Variants in ADAMTS17 observed in about 807,000 individuals in gnomAD.
ADAMTS17 encodes A disintegrin and metalloproteinase with thrombospondin motifs 17.
A neutral mutation model predicts 141.5 loss-of-function variants in ADAMTS17; 113 were observed. The observed-to-expected ratio is 0.80, with a 90% confidence interval of 0.69 to 0.93. ADAMTS17 has a LOEUF of 0.93. Among genes scored for constraint, ADAMTS17 ranks in the 40% least tolerant of loss-of-function variants. The pLI, the probability that ADAMTS17 is intolerant of heterozygous loss-of-function variation, is 0.00. For missense variants in ADAMTS17, 1,659 were observed against 1,517.9 expected, an observed-to-expected ratio of 1.09 and a Z score of -1.54; for synonymous variants, 768 against 630.6, an observed-to-expected ratio of 1.22 and a Z score of -3.27.
At chr15:100,167,582 C>A (rs2039999284) in intron 8 of ADAMTS17, among the ~76,000 whole-genome samples, 1 of 152,100 alleles carries the variant, frequency 6.6e-6, no homozygotes, top group Non-Finnish European at 1.5e-5. Context: ...TGACAGGATG[C>A]TGGAGAGCAA....
chr15:100,340,267 C>G (rs546166561), intron 2 of ADAMTS17, among the ~76,000 whole-genome samples: 14 of 152,320 alleles, frequency 9.2e-5, no homozygotes, highest in African/African-American at 3.4e-4. Flanking sequence ...CAAGAACCCC[C>G]CCTCCCCCTG....
chr15:100,157,445 T>G (rs2039487455), intron 8 of ADAMTS17, among the ~76,000 whole-genome samples: 1 of 152,204 alleles, frequency 6.6e-6, no homozygotes, highest in South Asian at 2.1e-4. Context: ...GCTTAATTGC[T>G]CAAGTGACCA....
chr15:100,261,693 T>TG, intron 5 of ADAMTS17, 57 bp from the exon 6 acceptor site: 1 of 1,568,956 alleles, frequency 6.4e-7, no homozygotes, highest in Non-Finnish European at 8.7e-7. Flanking sequence ...CAGAGTTTAT[T>TG]TCCAGACTAT....
chr15:100,140,129 G>A (rs1037243364), intron 10 of ADAMTS17, among the ~76,000 whole-genome samples: 9 of 152,082 alleles, frequency 5.9e-5, no homozygotes, highest in African/African-American at 2.2e-4. Flanking sequence ...CTAAGTAGCT[G>A]GGACTACAGG....
At chr15:100,273,864 G>A (rs2043993747) in intron 4 of ADAMTS17, among the ~76,000 whole-genome samples, 1 of 152,126 alleles carries the variant, frequency 6.6e-6, no homozygotes, top group Non-Finnish European at 1.5e-5. Flanking sequence ...TGTCCCATAA[G>A]TTTTGACATG....
intron 7 of ADAMTS17, among the ~76,000 whole-genome samples, chr15:100,222,937 C>T (rs2042180170): frequency 6.6e-6 from 1 of 152,188 alleles, no homozygotes; most frequent in Non-Finnish European, 1.5e-5. Flanking sequence ...TGCTGGCATT[C>T]AAATCACAAA....
intron 20 of ADAMTS17, among the ~76,000 whole-genome samples, chr15:99,992,028 G>C (rs368644206): frequency 1.1e-4 from 16 of 152,038 alleles, no homozygotes; most frequent in Admixed American, 3.3e-4. Context: ...GTCGTAGGGT[G>C]GGGGGCTAGG....
At chr15:100,067,357 G>A (rs953495015) in intron 15 of ADAMTS17, among the ~76,000 whole-genome samples, 12 of 152,142 alleles carry the variant, frequency 7.9e-5, no homozygotes, top group African/African-American at 2.7e-4. Flanking sequence ...TCTAAGTGTC[G>A]TTCCTTTCTA....
intron 10 of ADAMTS17, among the ~76,000 whole-genome samples, chr15:100,141,372 G>A (rs1362018031): frequency 2.0e-5 from 3 of 152,134 alleles, no homozygotes; most frequent in Non-Finnish European, 2.9e-5. Flanking sequence ...TCCTCTCTGG[G>A]CATCTGCTGA....
In ADAMTS17 at chr15:100,142,790, C is replaced by T. The variant is rs899454545; in HGVS notation, c.1474-9475G>A. ...AGAAAAGAGAAAGGAGGGAGTATTA[C>T]GTAGAAACAATTGTCTAAGACCTTC... On this transcript the variant is annotated intron_variant, in intron 10 of 21. Coordinates refer to ENST00000268070, the MANE Select transcript of ADAMTS17 (RefSeq NM_139057.4). Among the ~76,000 whole-genome samples, 7 of 152,150 alleles carry T rather than the reference C, an allele frequency of 4.6e-5. No individual in the cohort carries two copies. The South Asian group carries it at 6.2e-4, about 14-fold the overall frequency.
intron 7 of ADAMTS17, among the ~76,000 whole-genome samples, chr15:100,215,424 G>A (rs74037561): frequency 0.15 from 23,141 of 152,186 alleles, 1,951 homozygotes; most frequent in Non-Finnish European, 0.2. Context: ...CATGGCAGAA[G>A]GAACCTCACT....
chr15:100,017,829 C>T (rs1433167593), intron 18 of ADAMTS17, among the ~76,000 whole-genome samples: 3 of 152,118 alleles, frequency 2.0e-5, no homozygotes, highest in Admixed American at 2.0e-4. Flanking sequence ...ACACAGACTT[C>T]CTATTATGTC....
At chr15:100,257,213 T>C (rs1271676506) in intron 6 of ADAMTS17, 1 of 151,984 alleles carries the variant, frequency 6.6e-6, no homozygotes, top group Admixed American at 6.6e-5. Flanking sequence ...GAAAGGACAG[T>C]TTCTCCAGGG....
intron 15 of ADAMTS17, among the ~76,000 whole-genome samples, chr15:100,065,980 G>C (rs565291379): frequency 3.3e-5 from 5 of 152,220 alleles, no homozygotes; most frequent in African/African-American, 7.2e-5. Flanking sequence ...GCGGTGTTTG[G>C]TTTTCTGTTT....
At chr15:100,339,024 C>A (rs1343034419) in intron 2 of ADAMTS17, 2 of 985,426 alleles carry the variant, frequency 2.0e-6, no homozygotes, top group Non-Finnish European at 2.4e-6. Context: ...CAATGTCCAG[C>A]TCACACGAAC....
At chr15:100,058,549 A>G (rs2032839764) in intron 15 of ADAMTS17, among the ~76,000 whole-genome samples, 1 of 152,250 alleles carries the variant, frequency 6.6e-6, no homozygotes, top group Admixed American at 6.5e-5. Flanking sequence ...AGGCCCAAAA[A>G]AGGGCAGGAG....
chr15:100,132,791 C>T (rs532483762), intron 11 of ADAMTS17, among the ~76,000 whole-genome samples: 15 of 152,190 alleles, frequency 9.9e-5, no homozygotes, highest in Non-Finnish European at 1.6e-4. Flanking sequence ...TTCTCTCCAA[C>T]ACCTCCCCAT....
At chr15:100,325,508 A>G (rs992413703) in intron 3 of ADAMTS17, among the ~76,000 whole-genome samples, 4 of 152,166 alleles carry the variant, frequency 2.6e-5, no homozygotes, top group African/African-American at 9.7e-5. Flanking sequence ...AGATCTCATA[A>G]TGAAACATGC....
At chr15:100,249,166 T>C (rs1364691505) in intron 7 of ADAMTS17, among the ~76,000 whole-genome samples, 1 of 152,098 alleles carries the variant, frequency 6.6e-6, no homozygotes, top group Admixed American at 6.5e-5. Context: ...CAGAGGAGTG[T>C]GGTGAGGCCT....
Sources: gnomAD v4.1 joint callset for allele counts (sites outside exome capture counted in the v4.1 genomes callset) on GRCh38, gnomAD v4.1.1 for gene constraint, MANE v1.5 for transcripts, NCBI Gene and HGNC (gene_info 2026-07-23, HGNC 2026-07-21) for gene names.